Variants in ADCY1 observed in about 807,000 individuals in gnomAD.
ADCY1 encodes the protein adenylate cyclase type 1.
ADCY1 carries 28 observed loss-of-function variants against 105.4 expected under a neutral mutation model. The ratio of observed to expected loss-of-function variants is 0.27; its 90% CI spans 0.20 to 0.36. ADCY1 has a LOEUF of 0.36. Among genes scored for constraint, ADCY1 ranks in the 10% least tolerant of loss-of-function variants. The pLI, the probability that ADCY1 is intolerant of heterozygous loss-of-function variation, is 1.00. For synonymous variants in ADCY1, 655 were observed against 623.8 expected (o/e 1.05, Z -0.75); for missense variants, 977 against 1,434.2 (o/e 0.68, Z 5.15).
rs1418195225 is a variant in ADCY1 at position 45,574,466 on chromosome 7, C to T, written c.-78C>T. 10 of 256,566 alleles carry T rather than the reference C, an allele frequency of 3.9e-5. No homozygotes were observed. The highest frequency in any genetic ancestry group is 4.1e-5 in the Non-Finnish European group (7 of 168,902). The allele number at this position is 256,566 out of a possible 1,614,324, so 15.9% of individuals were successfully genotyped here. ...CTCGCCGCCCGCCGCCCGCCCGCCC[C>T]GGCGCCGCCGCCCGCGCCCCGGCGC... On this transcript the variant is annotated 5_prime_UTR_variant, in exon 1 of 20. Coordinates refer to ENST00000297323, the MANE Select transcript of ADCY1 (RefSeq NM_021116.4). The surrounding 1 kb of genome is among the most constrained non-coding windows in gnomAD (Gnocchi z 7.0).
intron 4 of ADCY1, among the ~76,000 whole-genome samples, chr7:45,634,773 C>T (rs1043346621): frequency 2.6e-5 from 4 of 152,120 alleles, no homozygotes; most frequent in African/African-American, 9.7e-5. Context: ...TTCAACTTAC[C>T]ATACATTTAT....
chr7:45,664,445 C>T, intron 8 of ADCY1: 1 of 1,531,308 alleles, frequency 6.5e-7, no homozygotes, highest in Non-Finnish European at 8.7e-7. Flanking sequence ...AGCCCTTATC[C>T]CCCAGGGCAT....
intron 4 of ADCY1, among the ~76,000 whole-genome samples, chr7:45,634,372 G>A (rs891936678): frequency 6.7e-6 from 1 of 149,154 alleles, no homozygotes; most frequent in Non-Finnish European, 1.5e-5. Flanking sequence ...TGGATTTTTT[G>A]TGGATACTTT....
intron 18 of ADCY1, among the ~76,000 whole-genome samples, chr7:45,709,680 A>G (rs987032591): frequency 2.7e-5 from 4 of 149,312 alleles, no homozygotes; most frequent in African/African-American, 9.7e-5. Flanking sequence ...TTAGTCCACA[A>G]GTATGGAAGG....
intron 7 of ADCY1, among the ~76,000 whole-genome samples, chr7:45,661,238 C>T (rs1442572815): frequency 6.6e-6 from 1 of 152,072 alleles, no homozygotes; most frequent in Non-Finnish European, 1.5e-5. Context: ...TACAGCCCCA[C>T]TTTAGAGAAG....
intron 5 of ADCY1, among the ~76,000 whole-genome samples, chr7:45,654,956 A>G (rs1794899348): frequency 1.3e-5 from 2 of 152,188 alleles, no homozygotes; most frequent in African/African-American, 4.8e-5. Context: ...TTCCCGCCAC[A>G]CAAGGATGGG....
rs375030754 is a variant in ADCY1 at position 45,592,937 on chromosome 7, G to C, written c.789+29G>C. On this transcript the variant is annotated intron_variant, in intron 2 of 19. Coordinates refer to ENST00000297323, the MANE Select transcript of ADCY1 (RefSeq NM_021116.4). Reference sequence around the variant, plus strand: ...AGTGGCTTGGGCCAGTCAGCCTAGAGGGGTTGGCTGTGGGGCTGGGGAGGT... The same window carrying C: ...AGTGGCTTGGGCCAGTCAGCCTAGACGGGTTGGCTGTGGGGCTGGGGAGGT... The C allele has an allele frequency of 2.5e-5, 40 of 1,611,948 alleles. No homozygotes were observed. The African/African-American group carries it at 4.9e-4, about 20-fold the overall frequency.
chr7:45,689,708 A>G (rs1562725245), intron 14 of ADCY1, among the ~76,000 whole-genome samples: 2 of 152,236 alleles, frequency 1.3e-5, no homozygotes, highest in Non-Finnish European at 2.9e-5. Flanking sequence ...AGTCTGACTT[A>G]TCACCAGAGG....
chr7:45,708,491 C>T lies in ADCY1; in HGVS notation c.2932+27C>T, dbSNP rs1253197957. 3 of 1,554,384 alleles carry T rather than the reference C, an allele frequency of 1.9e-6. No individual in the cohort carries two copies. Among genetic ancestry groups the T allele is most frequent in the Non-Finnish European group, 1.8e-6 (2 of 1,126,190 alleles). Reference sequence around the variant, plus strand: ...TATGTGGCTCTAAACCTATCCTGTCCATCCATGTGGAACACCTTCCTACAC... The same window carrying T: ...TATGTGGCTCTAAACCTATCCTGTCTATCCATGTGGAACACCTTCCTACAC... On this transcript the variant is annotated intron_variant, in intron 18 of 19. Transcript: ENST00000297323. The surrounding 1 kb of genome is among the most constrained non-coding windows in gnomAD (Gnocchi z 4.7).
chr7:45,650,101 T>C (rs1469067755), intron 5 of ADCY1, among the ~76,000 whole-genome samples: 1 of 152,346 alleles, frequency 6.6e-6, no homozygotes, highest in African/African-American at 2.4e-5. Context: ...ATATCATATA[T>C]ATTGTATGTT....
intron 1 of ADCY1, among the ~76,000 whole-genome samples, chr7:45,583,937 G>GTTTTTTTTTTTTTTTTTTTTTTTTTT (rs869216986): frequency 1.8e-5 from 1 of 56,896 alleles, no homozygotes; most frequent in Admixed American, 2.0e-4. Flanking sequence ...ACTGTGCCCT[G>GTTTTTTTTTTTTTTTTTTTTTTTTTT]TTTTTTTTTT....
At chr7:45,646,902 G>A (rs927964855) in intron 4 of ADCY1, among the ~76,000 whole-genome samples, 2 of 152,208 alleles carry the variant, frequency 1.3e-5, no homozygotes, top group African/African-American at 2.4e-5. Flanking sequence ...GGAGCCTGCC[G>A]GGCCCTCACA....
Position 45,721,827 on chromosome 7 carries a change from G to A in ADCY1, c.*7832G>A, listed in dbSNP as rs55777154. On this transcript the variant is annotated 3_prime_UTR_variant, in exon 20 of 20. Coordinates refer to ENST00000297323, the MANE Select transcript of ADCY1 (RefSeq NM_021116.4). ...CTGGGCATTGGTTCCTGCTGGTACCGGGCGGTTCAGACCTTCAAATAGGTT... is the reference window on the plus strand; with the variant it reads ...CTGGGCATTGGTTCCTGCTGGTACCAGGCGGTTCAGACCTTCAAATAGGTT... 608 of 398,616 alleles carry A rather than the reference G, an allele frequency of 1.5e-3. 1 individual carries two copies. The highest frequency in any genetic ancestry group is 1.9e-3 in the Non-Finnish European group (437 of 226,098). The allele number at this position is 398,616 out of a possible 1,614,324, so 24.7% of individuals were successfully genotyped here. A position where few individuals can be genotyped will look rare whatever the true frequency, so the allele number is the denominator to read the frequency against.
At chr7:45,621,127 C>T (rs1793877390) in intron 3 of ADCY1, among the ~76,000 whole-genome samples, 2 of 152,160 alleles carry the variant, frequency 1.3e-5, no homozygotes, top group South Asian at 4.1e-4. Context: ...AGTGCAGTGG[C>T]ATGCTTCAGC....
chr7:45,710,682 G>T lies in ADCY1; in HGVS notation c.3057+30G>T. ...GTTCACCAAGAAACCCCTAAGGCAT[G>T]GGTGCCCATTCTTCAGGTGAGGAAA... On this transcript the variant is annotated intron_variant, in intron 19 of 19. Transcript: ENST00000297323. This position sits in a 1 kb window ranked among gnomAD's most constrained non-coding sequence, Gnocchi z 4.7. 1 of 1,594,848 alleles carries T rather than the reference G, an allele frequency of 6.3e-7. No individual in the cohort carries two copies. Among genetic ancestry groups the T allele is most frequent in the Non-Finnish European group, 8.5e-7 (1 of 1,170,516 alleles).
chr7:45,610,979 GGGGGT>G (rs1793565353), intron 3 of ADCY1, among the ~76,000 whole-genome samples: 1 of 50,096 alleles, frequency 2.0e-5, no homozygotes, highest in African/African-American at 7.3e-5. Context: ...GGTGGAGGTG[GGGGGT>G]GATAGTGGAA....
intron 19 of ADCY1, among the ~76,000 whole-genome samples, chr7:45,711,790 AAT>A (rs1359934818): frequency 2.2e-5 from 3 of 133,508 alleles, no homozygotes; most frequent in Non-Finnish European, 4.7e-5. Context: ...ATGAAGTGTA[AAT>A]ATATATACTT....
intron 5 of ADCY1, among the ~76,000 whole-genome samples, chr7:45,650,804 T>A (rs975132826): frequency 1.3e-5 from 2 of 152,194 alleles, no homozygotes; most frequent in African/African-American, 4.8e-5. Context: ...AAGCTGTTTC[T>A]GCAGACGTGC....
chr7:45,657,903 T>A lies in ADCY1; in HGVS notation c.1307+18T>A. The A allele has an allele frequency of 8.2e-6, 2 of 242,746 alleles. No individual in the cohort carries two copies. The highest frequency in any genetic ancestry group is 1.6e-5 in the Non-Finnish European group (2 of 124,864). 15.0% of individuals were successfully genotyped at this position (242,746 alleles called of 1,614,324 possible). ...CTGCCAGGGTAAGTCGGGGATGGGG[T>A]GGGGAGGGGAGGGAGGTGGGTGATG... On this transcript the variant is annotated intron_variant, in intron 6 of 19. Coordinates refer to ENST00000297323, the MANE Select transcript of ADCY1 (RefSeq NM_021116.4).
Sources: gnomAD v4.1 joint callset for allele counts (sites outside exome capture counted in the v4.1 genomes callset) on GRCh38, gnomAD v4.1.1 for gene constraint, Gnocchi (gnomAD v3.1) non-coding constraint, MANE v1.5 for transcripts, NCBI Gene and HGNC (gene_info 2026-07-23, HGNC 2026-07-21) for gene names.